Variants in TTC29 observed in about 807,000 individuals in gnomAD.
TTC29 encodes the protein tetratricopeptide repeat protein 29.
Under a neutral mutation model 58.1 loss-of-function variants are expected in TTC29, and 49 were observed. The observed-to-expected ratio is 0.84, with a 90% CI of 0.67 to 1.07. The LOEUF is 1.07. TTC29 is among the 50% of genes least tolerant of loss of function. The probability of loss-of-function intolerance (pLI) is 0.00; values close to 1 mark genes in which losing one functional copy is unlikely to be tolerated. For missense variants in TTC29, 582 were observed against 555.6 expected (o/e 1.05, Z -0.48); for synonymous variants, 209 against 196.8 (o/e 1.06, Z -0.52).
intron 11 of TTC29, among the ~76,000 whole-genome samples, chr4:146,763,546 T>C (rs954385958): frequency 4.6e-5 from 7 of 152,112 alleles, no homozygotes; most frequent in South Asian, 2.1e-4. Context: ...AAGGGTTTTT[T>C]AAGGGTGATG....
At chr4:146,910,708 G>A (rs905008018) in intron 4 of TTC29, among the ~76,000 whole-genome samples, 2 of 152,106 alleles carry the variant, frequency 1.3e-5, no homozygotes, top group Non-Finnish European at 2.9e-5. Flanking sequence ...CAGCTGAACC[G>A]CAACCTTCCC....
In TTC29 at chr4:146,909,129, T is replaced by A. The variant is rs1183198937; in HGVS notation, c.297A>T (p.Arg99Ser). The A allele has an allele frequency of 3.1e-6, 5 of 1,613,738 alleles. No individual in the cohort carries two copies. The highest frequency in any genetic ancestry group is 1.3e-5 in the African/African-American group (1 of 74,914). ...ERWDALREAA[R>S]VRSLFWLQKP... ...TCTGCAGCCAGAAGAGGGACCTGAC[T>A]CTCGCAGCCTCCCTCAGGGCATCCC... is the stretch of plus-strand genomic sequence containing the variant. The change falls in exon 5 of 13, where the codon AGA (arginine) becomes AGT (serine). Residue 99 changes from arginine to serine, a missense_variant. By Grantham distance (110) the Arg-to-Ser change is moderately radical. Coordinates refer to ENST00000325106, the MANE Select transcript of TTC29 (RefSeq NM_031956.4).
At chr4:146,752,037 A>G (rs913902255) in intron 11 of TTC29, among the ~76,000 whole-genome samples, 21 of 152,222 alleles carry the variant, frequency 1.4e-4, no homozygotes, top group African/African-American at 5.1e-4. Context: ...CACCACTGCT[A>G]TTCAACATAG....
At chr4:146,907,838 A>G (rs1733630791) in intron 5 of TTC29, among the ~76,000 whole-genome samples, 7 of 152,110 alleles carry the variant, frequency 4.6e-5, no homozygotes, top group Admixed American at 3.9e-4. Flanking sequence ...TTTATTTACA[A>G]TAGTTAATTT....
chr4:146,870,461 C>G (rs1561205870), intron 7 of TTC29, among the ~76,000 whole-genome samples: 2 of 151,558 alleles, frequency 1.3e-5, no homozygotes, highest in Admixed American at 6.6e-5. Flanking sequence ...ACACTCAAAT[C>G]AAACAGAGGG....
At chr4:146,778,000 T>G (rs1332023382) in intron 11 of TTC29, among the ~76,000 whole-genome samples, 7 of 152,146 alleles carry the variant, frequency 4.6e-5, no homozygotes, top group Non-Finnish European at 8.8e-5. Flanking sequence ...ACATTGGGTT[T>G]CAGATGGCTA....
intron 8 of TTC29, among the ~76,000 whole-genome samples, chr4:146,835,573 A>T (rs1286678007): frequency 2.0e-5 from 3 of 152,078 alleles, no homozygotes; most frequent in Non-Finnish European, 2.9e-5. Flanking sequence ...TGTCTCAGGC[A>T]CTATGTTAGA....
chr4:146,903,768 G>T (rs751957117), intron 5 of TTC29, 39 bp from the exon 6 acceptor site: 2 of 1,436,916 alleles, frequency 1.4e-6, no homozygotes, highest in South Asian at 1.5e-5. Context: ...GCATTAGAAA[G>T]ATGTCTCATG....
chr4:146,809,862 T>A (rs1368331428), intron 10 of TTC29, among the ~76,000 whole-genome samples: 1 of 149,766 alleles, frequency 6.7e-6, no homozygotes, highest in Non-Finnish European at 1.5e-5. Flanking sequence ...TGGCAATTTC[T>A]CAAGAATCTA....
chr4:146,922,060 C>T (rs1249195196), intron 4 of TTC29, among the ~76,000 whole-genome samples: 1 of 147,348 alleles, frequency 6.8e-6, no homozygotes, highest in Middle Eastern at 3.3e-3. Flanking sequence ...AAACTACTCA[C>T]TGCAAATTTA....
At chr4:146,725,583 C>A (rs149990677) in intron 11 of TTC29, among the ~76,000 whole-genome samples, 1 of 152,064 alleles carries the variant, frequency 6.6e-6, no homozygotes, top group South Asian at 2.1e-4. Flanking sequence ...GCTAATTCCA[C>A]GTAACTAAAT....
chr4:146,927,034 T>C lies in TTC29; in HGVS notation c.176+10560A>G, dbSNP rs566816308. On this transcript the variant is annotated intron_variant, in intron 4 of 12. Transcript: ENST00000325106. Reference sequence around the variant, plus strand: ...ATTGCTTAAACCCAGGAGGTGGAGATTGCGCCACTGCACTCCAGCCTGGGC... The same window carrying C: ...ATTGCTTAAACCCAGGAGGTGGAGACTGCGCCACTGCACTCCAGCCTGGGC... Among the ~76,000 whole-genome samples the C allele has an allele frequency of 4.1e-5, 6 of 146,626 alleles. No homozygotes were observed. The East Asian group carries it at 8.1e-4, about 20-fold the overall frequency.
chr4:146,715,218 T>C (rs569959511), intron 11 of TTC29, among the ~76,000 whole-genome samples: 2 of 152,060 alleles, frequency 1.3e-5, no homozygotes, highest in Non-Finnish European at 2.9e-5. Flanking sequence ...CAAAAAACTA[T>C]AAAACTAGAA....
intron 11 of TTC29, among the ~76,000 whole-genome samples, chr4:146,726,401 C>T (rs934296630): frequency 3.3e-5 from 5 of 151,832 alleles, no homozygotes; most frequent in Admixed American, 1.3e-4. Context: ...TGCAGTGAGC[C>T]GAAATTGCAC....
intron 11 of TTC29, among the ~76,000 whole-genome samples, chr4:146,796,511 A>G (rs915534096): frequency 6.6e-6 from 1 of 152,146 alleles, no homozygotes; most frequent in African/African-American, 2.4e-5. Context: ...GTCTTCTAAA[A>G]CACACATCAT....
intron 11 of TTC29, among the ~76,000 whole-genome samples, chr4:146,762,628 C>T (rs1746996604): frequency 6.6e-6 from 1 of 151,874 alleles, no homozygotes; most frequent in South Asian, 2.1e-4. Context: ...AATTGTTTAT[C>T]TAGCCTAGTC....
At chr4:146,741,207 G>A (rs1037677546) in intron 11 of TTC29, among the ~76,000 whole-genome samples, 2 of 152,156 alleles carry the variant, frequency 1.3e-5, no homozygotes, top group Admixed American at 6.5e-5. Context: ...TAGATCCAGG[G>A]TGTGAAATTT....
At chr4:146,918,615 A>T (rs1403162266) in intron 4 of TTC29, among the ~76,000 whole-genome samples, 1 of 151,192 alleles carries the variant, frequency 6.6e-6, no homozygotes, top group Non-Finnish European at 1.5e-5. Context: ...AAGCATGCTT[A>T]TTTAGCAAAT....
In TTC29 at chr4:146,707,126, C is replaced by A; in HGVS notation, c.*32G>T. 6.6e-7 allele frequency: 1 copy of A among 1,504,278 alleles called. No individual in the cohort carries two copies. The highest frequency in any genetic ancestry group is 8.9e-7 in the Non-Finnish European group (1 of 1,117,974). 93.2% of individuals were successfully genotyped at this position (1,504,278 alleles called of 1,614,324 possible). ...AAGTCTAAGGTGACATGATGGATTT[C>A]TTCTTGCTTTGATGTTAAGTGAAAA... is the stretch of plus-strand genomic sequence containing the variant. On this transcript the variant is annotated 3_prime_UTR_variant, in exon 13 of 13. Transcript: ENST00000325106.
Sources: gnomAD v4.1 joint callset for allele counts (sites outside exome capture counted in the v4.1 genomes callset) on GRCh38, gnomAD v4.1.1 for gene constraint, MANE v1.5 for transcripts, NCBI Gene and HGNC (gene_info 2026-07-23, HGNC 2026-07-21) for gene names.